Variants in GIGYF2 observed in about 807,000 individuals in gnomAD.
The protein encoded by GIGYF2 is GRB10-interacting GYF protein 2.
In GIGYF2, 25 loss-of-function variants were observed where a neutral mutation model predicts 208.1. The observed-to-expected ratio is 0.12, with a 90% CI of 0.09 to 0.17. GIGYF2 has a LOEUF of 0.17. Ranked by LOEUF, GIGYF2 falls within the 10% of genes least tolerant of loss-of-function variation. The pLI is 1.00. For missense variants in GIGYF2, 1,302 were observed against 1,579.4 expected (o/e 0.82, Z 2.98); for synonymous variants, 534 against 543.8 (o/e 0.98, Z 0.25).
At chr2:232,833,383 G>C (rs1701484945) in intron 22 of GIGYF2, among the ~76,000 whole-genome samples, 1 of 152,022 alleles carries the variant, frequency 6.6e-6, no homozygotes, top group Admixed American at 6.6e-5. Flanking sequence ...ACCACACCCA[G>C]CTAGTTTTTT....
chr2:232,753,121 T>TTATG (rs1311081847), intron 5 of GIGYF2, among the ~76,000 whole-genome samples: 2 of 151,276 alleles, frequency 1.3e-5, no homozygotes, highest in Non-Finnish European at 2.9e-5. Flanking sequence ...ATTTATTTAT[T>TTATG]TATTTATTTA....
chr2:232,737,425 A>T (rs1697779415), intron 3 of GIGYF2, among the ~76,000 whole-genome samples: 1 of 152,228 alleles, frequency 6.6e-6, no homozygotes, highest in African/African-American at 2.4e-5. Context: ...ATTAGAGCTT[A>T]GGAGCATTCC....
At chr2:232,854,231 G>C (rs533065384) in intron 28 of GIGYF2, among the ~76,000 whole-genome samples, 1 of 152,310 alleles carries the variant, frequency 6.6e-6, no homozygotes, top group South Asian at 2.1e-4. Flanking sequence ...GGTGACTCAT[G>C]ACTGTAATCC....
chr2:232,705,101 C>T (rs915092873), intron 2 of GIGYF2, among the ~76,000 whole-genome samples: 6 of 151,854 alleles, frequency 4.0e-5, no homozygotes, highest in Non-Finnish European at 7.4e-5. Context: ...CCTCGTGATC[C>T]GCCTGCCTCG....
intron 3 of GIGYF2, among the ~76,000 whole-genome samples, chr2:232,736,863 T>C (rs1434680502): frequency 3.3e-5 from 5 of 152,246 alleles, no homozygotes; most frequent in Non-Finnish European, 7.3e-5. Context: ...GTTGTTTTTT[T>C]CAGCATCCTG....
In GIGYF2 at chr2:232,714,964, G is replaced by GT. The variant is rs539950345; in HGVS notation, c.-44+11476dup. On this transcript the variant is annotated intron_variant, in intron 2 of 28. Coordinates refer to ENST00000373563, the MANE Select transcript of GIGYF2 (RefSeq NM_001103146.3). ...CCTCCACCCTCTGAGAGGCCTCAGT[G>GT]TGTGTGGTTTCCCTGTGTGTCCATG... is the stretch of plus-strand genomic sequence containing the variant. 2.1e-3 allele frequency among the ~76,000 whole-genome samples: 321 copies of GT among 152,246 alleles called. 1 individual carries two copies. Among genetic ancestry groups the GT allele is most frequent in the African/African-American group, 7.2e-3 (298 of 41,542 alleles).
At chr2:232,709,352 G>T (rs1361226243) in intron 2 of GIGYF2, among the ~76,000 whole-genome samples, 2 of 152,090 alleles carry the variant, frequency 1.3e-5, no homozygotes, top group Admixed American at 6.6e-5. Flanking sequence ...TTTAAATTGG[G>T]TTTTCTTTTT....
At chr2:232,729,463 G>GTTT in intron 2 of GIGYF2, 1 of 741,530 alleles carries the variant, frequency 1.3e-6, no homozygotes, top group South Asian at 3.1e-5. Context: ...TTATTTTTAG[G>GTTT]TTTTTTTTTT....
intron 9 of GIGYF2, chr2:232,787,983 T>TCCTGTACCA (rs2106361107): frequency 6.4e-6 from 1 of 156,354 alleles, no homozygotes; most frequent in African/African-American, 2.4e-5. Flanking sequence ...GTGTTAAAGT[T>TCCTGTACCA]CATCCTGTAC....
intron 21 of GIGYF2, among the ~76,000 whole-genome samples, chr2:232,825,811 C>T (rs1034839795): frequency 4.0e-5 from 6 of 151,710 alleles, no homozygotes; most frequent in East Asian, 3.9e-4. Context: ...CCCATCAACT[C>T]GTCATTTACA....
intron 20 of GIGYF2, among the ~76,000 whole-genome samples, chr2:232,819,019 A>T (rs193010515): frequency 7.2e-4 from 109 of 151,310 alleles, no homozygotes; most frequent in Non-Finnish European, 1.3e-3. Context: ...TTCACCATTC[A>T]TGTGCTTGGC....
At chr2:232,752,837 G>T (rs1271903837) in intron 5 of GIGYF2, among the ~76,000 whole-genome samples, 1 of 152,088 alleles carries the variant, frequency 6.6e-6, no homozygotes, top group African/African-American at 2.4e-5. Flanking sequence ...ACCGCGCCTG[G>T]CCTATTTATT....
At chr2:232,717,680 T>C (rs984138555) in intron 2 of GIGYF2, among the ~76,000 whole-genome samples, 4 of 152,150 alleles carry the variant, frequency 2.6e-5, no homozygotes, top group African/African-American at 9.7e-5. Context: ...GGCTTCAGGC[T>C]GCTTACACTC....
At chr2:232,697,901 C>T (rs368498636) in intron 1 of GIGYF2, among the ~76,000 whole-genome samples, 1 of 152,232 alleles carries the variant, frequency 6.6e-6, no homozygotes, top group East Asian at 1.9e-4. Context: ...GCGCTCCTGC[C>T]TTCCCCACAG....
chr2:232,795,035 C>T (rs1470555480), intron 13 of GIGYF2, 91 bp downstream of exon 13: 4 of 971,840 alleles, frequency 4.1e-6, no homozygotes. Flanking sequence ...AAACTTTTGT[C>T]ACTAGATTTT....
Position 232,858,543 on chromosome 2 carries a change from T to G in GIGYF2, c.*1683T>G. The G allele has an allele frequency of 2.2e-6, 1 of 456,410 alleles. No individual in the cohort carries two copies. The highest frequency in any genetic ancestry group is 1.5e-5 in the South Asian group (1 of 64,554). 28.3% of individuals were successfully genotyped at this position (456,410 alleles called of 1,614,324 possible). ...GTGGGTAAGAGGGATAGTTAAAATG[T>G]TTACAAAACTTTAGGCTCCCTCGGA... On this transcript the variant is annotated 3_prime_UTR_variant, in exon 29 of 29. Coordinates refer to ENST00000373563, the MANE Select transcript of GIGYF2 (RefSeq NM_001103146.3).
At chr2:232,715,056 T>G (rs1210081992) in intron 2 of GIGYF2, among the ~76,000 whole-genome samples, 1 of 152,180 alleles carries the variant, frequency 6.6e-6, no homozygotes, top group African/African-American at 2.4e-5. Context: ...GTTCCTGCAT[T>G]GGTTTGCTAA....
chr2:232,726,493 C>T (rs1559385636), intron 2 of GIGYF2, among the ~76,000 whole-genome samples: 1 of 152,072 alleles, frequency 6.6e-6, no homozygotes, highest in Non-Finnish European at 1.5e-5. Context: ...ATAGTTTCAG[C>T]CACTGGGGAG....
At chr2:232,799,958 T>A (rs974673772) in intron 14 of GIGYF2, among the ~76,000 whole-genome samples, 2 of 152,164 alleles carry the variant, frequency 1.3e-5, no homozygotes, top group Admixed American at 6.5e-5. Flanking sequence ...CTTTGCCTTT[T>A]TTTTTTTAAT....
Sources: gnomAD v4.1 joint callset for allele counts (sites outside exome capture counted in the v4.1 genomes callset) on GRCh38, gnomAD v4.1.1 for gene constraint, MANE v1.5 for transcripts, NCBI Gene and HGNC (gene_info 2026-07-23, HGNC 2026-07-21) for gene names.